C3orf20: variants seen among roughly 807,000 people sequenced by gnomAD.
C3orf20 encodes family with sequence similarity 149 member C.
A neutral mutation model predicts 88.3 loss-of-function variants in C3orf20; 76 were observed. That is an observed-to-expected ratio of 0.86 (90% confidence interval 0.72 to 1.04). The LOEUF is 1.04. Ranked by LOEUF, C3orf20 falls within the 50% of genes least tolerant of loss-of-function variation. C3orf20 has a pLI of 0.00. For missense variants in C3orf20, 1,056 were observed against 1,123.3 expected (o/e 0.94, Z 0.86); for synonymous variants, 436 against 437.4 (o/e 1.00, Z 0.04).
chr3:14,728,430 T>A lies in C3orf20; in HGVS notation c.1691-9T>A, dbSNP rs569604628. On this transcript the variant is annotated splice_polypyrimidine_tract_variant and intron_variant, in intron 11 of 16. Transcript: ENST00000253697. The stretch of plus-strand genomic sequence containing the variant: ...AAGGGAAAATGACAGCAGCATCTTC[T>A]GTTAACAGGTCTGTTTACCATTGAA... 6.2e-7 allele frequency: 1 copy of A among 1,613,628 alleles called. No individual in the cohort carries two copies. Among genetic ancestry groups the A allele is most frequent in the Non-Finnish European group, 8.5e-7 (1 of 1,179,684 alleles).
intron 15 of C3orf20, among the ~76,000 whole-genome samples, chr3:14,765,953 G>C (rs541573700): frequency 6.6e-6 from 1 of 152,358 alleles, no homozygotes; most frequent in Non-Finnish European, 1.5e-5. Context: ...TCACCTGGCA[G>C]GTAGATTGCC....
intron 1 of C3orf20, among the ~76,000 whole-genome samples, chr3:14,680,079 T>TA (rs1393539940): frequency 1.3e-5 from 2 of 152,224 alleles, no homozygotes; most frequent in Non-Finnish European, 2.9e-5. Context: ...TGTGAAATGT[T>TA]ACAGCAGTCT....
intron 13 of C3orf20, among the ~76,000 whole-genome samples, chr3:14,759,407 G>T (rs1036252150): frequency 2.6e-5 from 4 of 152,106 alleles, no homozygotes; most frequent in Non-Finnish European, 1.5e-5. Context: ...TGAGGTGTGG[G>T]TTCAGTTCAG....
chr3:14,728,570 C>T lies in C3orf20; in HGVS notation c.1822C>T (p.Gln608Ter). The T allele has an allele frequency of 6.2e-7, 1 of 1,614,240 alleles. No homozygotes were observed. The highest frequency in any genetic ancestry group is 8.5e-7 in the Non-Finnish European group (1 of 1,180,044). The change falls in exon 12 of 17, where the codon CAG becomes TAG. Residue 608 changes from glutamine (Q) to a stop codon, truncating the protein, a stop_gained. Coordinates refer to ENST00000253697, the MANE Select transcript of C3orf20 (RefSeq NM_032137.5). LOFTEE classifies it high-confidence loss of function. ...CTCAGGAGAAAGTCTTTTACGATCT[C>T]AGTCAGGCCACCTGGAATCCTCAAT... ...LYSGESLLRSQSGHLESSIAE... is the reference protein window; with the variant it reads ...LYSGESLLRS
intron 12 of C3orf20, among the ~76,000 whole-genome samples, chr3:14,736,252 A>G (rs1311759170): frequency 6.7e-6 from 1 of 149,988 alleles, no homozygotes; most frequent in Admixed American, 6.6e-5. Context: ...TCCTTAAAGT[A>G]TGCTGGAATT....
In C3orf20 at chr3:14,722,380, G is replaced by A. The variant is rs114565963; in HGVS notation, c.1566+596G>A. The A allele has an allele frequency of 8.5e-3, 3,679 of 433,862 alleles. 34 individuals carry two copies. Among genetic ancestry groups the A allele is most frequent in the Middle Eastern group, 0.03 (88 of 2,946 alleles). 26.9% of individuals were successfully genotyped at this position (433,862 alleles called of 1,614,324 possible). A position where few individuals can be genotyped will look rare whatever the true frequency, so the allele number is the denominator to read the frequency against. On this transcript the variant is annotated intron_variant, in intron 10 of 16. Transcript: ENST00000253697. ...ATTGCTCCCATTGACTAGGCTTGAG[G>A]CTCATGTCCATCCTGGGGGCCAATG... is the stretch of plus-strand genomic sequence containing the variant.
In C3orf20 at chr3:14,728,621, G is replaced by C. The variant is rs1192927199; in HGVS notation, c.1873G>C (p.Glu625Gln). The C allele has an allele frequency of 3.7e-6, 6 of 1,614,030 alleles. No individual in the cohort carries two copies. The Admixed American group carries it at 1.0e-4, about 27-fold the overall frequency. Residue 625 changes from glutamate to glutamine, a missense_variant, in exon 12 of 17, where the codon GAG becomes CAG. Physicochemically the swap from Glu to Gln is conservative, Grantham distance 29. Transcript: ENST00000253697. ...TGCAGAGACTTTGAAGGATGAGCCT[G>C]AGTCTGCTCCTGTGAGCCCAGTTCG... The part of the protein sequence containing the change: ...SIAETLKDEP[E>Q]SAPVSPVRKT...
At chr3:14,762,080 T>C (rs1344916009) in intron 15 of C3orf20, among the ~76,000 whole-genome samples, 1 of 152,154 alleles carries the variant, frequency 6.6e-6, no homozygotes, top group African/African-American at 2.4e-5. Flanking sequence ...TTTTTTTGTT[T>C]GTTTGTTTTG....
At chr3:14,697,709 A>AC (rs143422990) in intron 5 of C3orf20, among the ~76,000 whole-genome samples, 75,502 of 101,468 alleles carry the variant, frequency 0.74, 25,294 homozygotes, top group African/African-American at 0.81. Context: ...CCAGCCCCCA[A>AC]CCCCCCTGCT....
chr3:14,684,249 C>T lies in C3orf20; in HGVS notation c.492C>T (p.Ala164=), dbSNP rs1404159652. Residue 164 remains alanine, a synonymous_variant, in exon 4 of 17, where the codon GCC becomes GCT. Coordinates refer to ENST00000253697, the MANE Select transcript of C3orf20 (RefSeq NM_032137.5). ...TTTCTATCATTGCTTTAGTGGGTGC[C>T]AACCCCTTGGACATCACCAGGCGCT... ...KAMVESMSVG[A]NPLDITRRFV... 2.5e-6 allele frequency: 4 copies of T among 1,613,948 alleles called. No homozygotes were observed. Among genetic ancestry groups the T allele is most frequent in the Admixed American group, 1.7e-5 (1 of 59,986 alleles).
At chr3:14,682,485 T>C in intron 2 of C3orf20, 93 bp from the exon 3 acceptor site, 2 of 575,058 alleles carry the variant, frequency 3.5e-6, no homozygotes, top group South Asian at 4.4e-5. Context: ...TTGGTCTCTC[T>C]GATGGTGTCT....
At chr3:14,699,697 C>A (rs76939870) in intron 5 of C3orf20, among the ~76,000 whole-genome samples, 2,425 of 152,256 alleles carry the variant, frequency 0.016, 52 homozygotes, top group African/African-American at 0.055. Flanking sequence ...TTTTTGGAGC[C>A]ATGAGCTGTG....
chr3:14,736,769 G>A (rs13080654), intron 12 of C3orf20, among the ~76,000 whole-genome samples: 31,761 of 150,378 alleles, frequency 0.21, 3,816 homozygotes, highest in South Asian at 0.37. Flanking sequence ...GCTTCACCAT[G>A]TTGCTCAGGC....
intron 5 of C3orf20, among the ~76,000 whole-genome samples, chr3:14,698,718 A>G (rs1575103667): frequency 1.3e-5 from 2 of 151,998 alleles, no homozygotes; most frequent in Admixed American, 1.3e-4. Context: ...ACTGGATGAA[A>G]CCTAAAGCCA....
intron 12 of C3orf20, among the ~76,000 whole-genome samples, chr3:14,737,818 G>A (rs2034767233): frequency 6.6e-6 from 1 of 152,328 alleles, no homozygotes; most frequent in African/African-American, 2.4e-5. Flanking sequence ...CTCTGCTGCT[G>A]TTTTATCAAC....
chr3:14,694,831 C>T (rs2032914087), intron 5 of C3orf20, among the ~76,000 whole-genome samples: 1 of 151,838 alleles, frequency 6.6e-6, no homozygotes, highest in African/African-American at 2.4e-5. Flanking sequence ...ACTCTGTTGC[C>T]CCAGGCTGGA....
chr3:14,689,820 T>C (rs1356209753), intron 4 of C3orf20, among the ~76,000 whole-genome samples, 177 bp from the exon 5 acceptor site: 1 of 152,236 alleles, frequency 6.6e-6, no homozygotes, highest in Non-Finnish European at 1.5e-5. Flanking sequence ...TTTCCTCTAA[T>C]TGCTCTGCCG....
chr3:14,694,495 C>T (rs984565050), intron 5 of C3orf20, among the ~76,000 whole-genome samples: 1 of 152,124 alleles, frequency 6.6e-6, no homozygotes, highest in African/African-American at 2.4e-5. Context: ...ATAATAGGGA[C>T]TAATGATCCT....
rs890456526 is a variant in C3orf20, at chr3:14,701,550, C to G, written c.746-1580C>G. 2.6e-5 allele frequency among the ~76,000 whole-genome samples: 4 copies of G among 152,146 alleles called. No homozygotes were observed. The highest frequency in any genetic ancestry group is 2.6e-4 in the Admixed American group (4 of 15,276). On this transcript the variant is annotated intron_variant, in intron 5 of 16. Transcript: ENST00000253697. This position sits in a 1 kb window ranked among gnomAD's most constrained non-coding sequence, Gnocchi z 4.6. ...ACCTGACACCTATCATGGAGGACAG[C>G]TGTGAAAATTAGTATCACAGGCACA...
Sources: allele counts gnomAD v4.1 joint callset (sites outside exome capture counted in the v4.1 genomes callset), GRCh38; gene constraint gnomAD v4.1.1; non-coding constraint Gnocchi (gnomAD v3.1); transcripts MANE v1.5; gene names NCBI Gene and HGNC (gene_info 2026-07-23, HGNC 2026-07-21).